The following CCSER1 variants were observed in gnomAD, a reference collection of about 807,000 sequenced individuals.
The protein encoded by CCSER1 is serine-rich coiled-coil domain-containing protein 1.
A neutral mutation model predicts 82.0 loss-of-function variants in CCSER1; 41 were observed. The ratio of observed to expected loss-of-function variants is 0.50; its 90% CI spans 0.39 to 0.65. The LOEUF is 0.65. CCSER1 is among the 30% of genes least tolerant of loss of function. The pLI is 0.00. For synonymous variants in CCSER1, 414 were observed against 383.9 expected (o/e 1.08, Z -0.92); for missense variants, 1,119 against 1,064.2 (o/e 1.05, Z -0.72).
intron 9 of CCSER1, among the ~76,000 whole-genome samples, chr4:90,965,903 G>A (rs1489808114): frequency 6.6e-6 from 1 of 152,044 alleles, no homozygotes. Flanking sequence ...AAAGAAATCA[G>A]CAAAGAGATA....
intron 10 of CCSER1, among the ~76,000 whole-genome samples, chr4:91,449,716 T>C: frequency 1.3e-5 from 2 of 152,104 alleles, no homozygotes. Context: ...AAATTAATTA[T>C]TTTTCGTTAA....
intron 10 of CCSER1, among the ~76,000 whole-genome samples, chr4:91,380,041 G>T (rs530717588): frequency 4.6e-5 from 7 of 152,052 alleles, no homozygotes; most frequent in Non-Finnish European, 1.0e-4. Context: ...TTCAGTTTCC[G>T]TGTAGTTGAG....
At chr4:91,374,306 C>T (rs1371545481) in intron 10 of CCSER1, among the ~76,000 whole-genome samples, 2 of 152,156 alleles carry the variant, frequency 1.3e-5, no homozygotes, top group South Asian at 4.1e-4. Flanking sequence ...GGCTCCAAGG[C>T]TTTTAAGGAC....
At chr4:90,420,623 CAAA>C (rs772175717) in intron 4 of CCSER1, among the ~76,000 whole-genome samples, 1 of 151,996 alleles carries the variant, frequency 6.6e-6, no homozygotes, top group Non-Finnish European at 1.5e-5. Flanking sequence ...GCTTCAGTGA[CAAA>C]GAAGGCTTTT....
At chr4:91,510,793 C>T (rs1353804797) in intron 10 of CCSER1, among the ~76,000 whole-genome samples, 1 of 152,108 alleles carries the variant, frequency 6.6e-6, no homozygotes, top group African/African-American at 2.4e-5. Flanking sequence ...GTACTTTTTG[C>T]TATGCAAAAG....
intron 10 of CCSER1, among the ~76,000 whole-genome samples, chr4:91,380,936 G>T (rs1048393678): frequency 6.6e-6 from 1 of 152,134 alleles, no homozygotes; most frequent in Non-Finnish European, 1.5e-5. Context: ...TTATAGGACA[G>T]GCCTAGTGGT....
At chr4:90,249,371 A>G (rs1040274826) in intron 1 of CCSER1, among the ~76,000 whole-genome samples, 2 of 152,232 alleles carry the variant, frequency 1.3e-5, no homozygotes, top group African/African-American at 2.4e-5. Context: ...CAAGTCAACC[A>G]TTTAAAGTAT....
intron 9 of CCSER1, among the ~76,000 whole-genome samples, chr4:91,006,480 ATTTCTTTT>A (rs1310831022): frequency 2.0e-5 from 3 of 147,712 alleles, no homozygotes; most frequent in Non-Finnish European, 4.5e-5. Context: ...GATGCCTTTT[ATTTCTTTT>A]TTTCTTTTTT....
intron 8 of CCSER1, among the ~76,000 whole-genome samples, chr4:90,901,632 G>T (rs1724670038): frequency 1.3e-5 from 2 of 151,968 alleles, no homozygotes; most frequent in South Asian, 4.1e-4. Context: ...AGCTGATAAG[G>T]TTTTTGTTGA....
At chr4:91,416,814 A>G (rs780693630) in intron 10 of CCSER1, among the ~76,000 whole-genome samples, 1 of 152,230 alleles carries the variant, frequency 6.6e-6, no homozygotes, top group African/African-American at 2.4e-5. Context: ...CATGAGGAAC[A>G]TGTCAAAAGG....
chr4:90,803,457 T>C (rs77617028), intron 7 of CCSER1, among the ~76,000 whole-genome samples: 51,636 of 151,924 alleles, frequency 0.34, 8,974 homozygotes, highest in East Asian at 0.42. Flanking sequence ...TGAGAACATG[T>C]GGTGTTTGGT....
At chr4:91,485,103 TC>T (rs1180922722) in intron 10 of CCSER1, among the ~76,000 whole-genome samples, 4 of 152,124 alleles carry the variant, frequency 2.6e-5, no homozygotes, top group African/African-American at 9.7e-5. Context: ...TGGATTCATT[TC>T]CTACTACATG....
intron 10 of CCSER1, among the ~76,000 whole-genome samples, chr4:91,366,168 C>A (rs1325034835): frequency 6.6e-6 from 1 of 151,956 alleles, no homozygotes; most frequent in Non-Finnish European, 1.5e-5. Context: ...ACAGGCGCAC[C>A]ACCTCCACGC....
At chr4:90,335,130 A>AT (rs1198325538) in intron 3 of CCSER1, among the ~76,000 whole-genome samples, 1 of 152,118 alleles carries the variant, frequency 6.6e-6, no homozygotes, top group East Asian at 1.9e-4. Context: ...CAAAGGCATT[A>AT]TTTTTTCTAA....
intron 3 of CCSER1, among the ~76,000 whole-genome samples, chr4:90,383,031 A>G (rs1365344936): frequency 6.6e-6 from 1 of 152,126 alleles, no homozygotes; most frequent in Non-Finnish European, 1.5e-5. Context: ...AGGGTGAGTA[A>G]TACACCATAG....
At chr4:90,646,835 G>T (rs1366229888) in intron 6 of CCSER1, among the ~76,000 whole-genome samples, 1 of 152,040 alleles carries the variant, frequency 6.6e-6, no homozygotes, top group Non-Finnish European at 1.5e-5. Context: ...TAGGGTAGTA[G>T]AAGTCTTGGC....
At chr4:90,228,281 C>G (rs537899201) in intron 1 of CCSER1, among the ~76,000 whole-genome samples, 5 of 152,138 alleles carry the variant, frequency 3.3e-5, no homozygotes, top group South Asian at 2.1e-4. Context: ...GATCTGAGAA[C>G]GGGCAGACTG....
intron 1 of CCSER1, among the ~76,000 whole-genome samples, chr4:90,272,935 G>A (rs1024336839): frequency 6.6e-5 from 10 of 152,184 alleles, no homozygotes; most frequent in East Asian, 3.9e-4. Context: ...CCCAGGAGGC[G>A]GAGTTTGCAG....
intron 10 of CCSER1, among the ~76,000 whole-genome samples, chr4:91,323,590 G>C (rs767663887): frequency 6.6e-6 from 1 of 151,992 alleles, no homozygotes; most frequent in African/African-American, 2.4e-5. Context: ...AAGATACATA[G>C]GTTAAGATAT....
Sources: allele counts gnomAD v4.1 joint callset (sites outside exome capture counted in the v4.1 genomes callset), GRCh38; gene constraint gnomAD v4.1.1; transcripts MANE v1.5; gene names NCBI Gene and HGNC (gene_info 2026-07-23, HGNC 2026-07-21).